The following MARCHF1 variants were observed in gnomAD, a reference collection of about 807,000 sequenced individuals.
MARCHF1 encodes membrane associated ring-CH-type finger 1.
A neutral mutation model predicts 54.2 loss-of-function variants in MARCHF1; 40 were observed. The ratio of observed to expected loss-of-function variants is 0.74; its 90% CI spans 0.57 to 0.96. MARCHF1 has a LOEUF of 0.96. Among genes scored for constraint, MARCHF1 ranks in the 40% least tolerant of loss-of-function variants. The pLI, the probability that MARCHF1 is intolerant of heterozygous loss-of-function variation, is 0.00. For missense variants in MARCHF1, 586 were observed against 656.5 expected (o/e 0.89, Z 1.17); for synonymous variants, 236 against 236.3 (o/e 1.00, Z 0.01).
At chr4:164,091,410 T>TTTA (rs145149996) in intron 2 of MARCHF1, among the ~76,000 whole-genome samples, 1 of 136,926 alleles carries the variant, frequency 7.3e-6, no homozygotes, top group African/African-American at 2.7e-5. Context: ...TCACCAAGTT[T>TTTA]TATATATATA....
chr4:164,201,526 G>T (rs1731454905), intron 1 of MARCHF1, among the ~76,000 whole-genome samples: 1 of 152,106 alleles, frequency 6.6e-6, no homozygotes, highest in African/African-American at 2.4e-5. Flanking sequence ...GGCCAAGACT[G>T]ATTTTTTACA....
intron 9 of MARCHF1, among the ~76,000 whole-genome samples, chr4:163,536,261 A>T (rs544223485): frequency 5.3e-5 from 8 of 152,282 alleles, no homozygotes; most frequent in African/African-American, 1.9e-4. Context: ...GGAAATTCTC[A>T]TGGACTACAT....
At chr4:164,031,199 A>G (rs1275450158) in intron 2 of MARCHF1, among the ~76,000 whole-genome samples, 1 of 152,016 alleles carries the variant, frequency 6.6e-6, no homozygotes, top group Non-Finnish European at 1.5e-5. Flanking sequence ...TTGATATTCA[A>G]CTTCTTCCTT....
chr4:164,196,975 T>C, intron 1 of MARCHF1: 2 of 1,602,662 alleles, frequency 1.2e-6, no homozygotes, highest in South Asian at 1.1e-5. Context: ...TTATTCTACT[T>C]AGTCATCATC....
intron 8 of MARCHF1, among the ~76,000 whole-genome samples, chr4:163,568,046 T>C (rs1035069513): frequency 1.3e-5 from 2 of 152,160 alleles, no homozygotes; most frequent in African/African-American, 4.8e-5. Flanking sequence ...TGACGGCTCA[T>C]TAATATTACA....
chr4:163,538,723 T>C (rs1469719731), intron 9 of MARCHF1, among the ~76,000 whole-genome samples: 2 of 152,186 alleles, frequency 1.3e-5, no homozygotes, highest in East Asian at 3.9e-4. Context: ...TTTACATCTT[T>C]ATCCACCTAA....
intron 9 of MARCHF1, among the ~76,000 whole-genome samples, chr4:163,531,379 T>C (rs1425116079): frequency 6.6e-6 from 1 of 151,772 alleles, no homozygotes; most frequent in Non-Finnish European, 1.5e-5. Context: ...TGTGAATATA[T>C]CAATAAGTGC....
intron 5 of MARCHF1, among the ~76,000 whole-genome samples, chr4:163,638,255 T>TAA (rs77300323): frequency 1.4e-5 from 2 of 139,596 alleles, no homozygotes; most frequent in African/African-American, 5.2e-5. Context: ...AAAAAAAAAT[T>TAA]AAAAAAAAAA....
chr4:163,726,319 A>C (rs189267331), intron 4 of MARCHF1, among the ~76,000 whole-genome samples: 17 of 152,276 alleles, frequency 1.1e-4, no homozygotes, highest in African/African-American at 2.9e-4. Context: ...CTTTTACTGT[A>C]TTCATAGTTT....
chr4:164,364,391 G>T (rs1730819727), intron 1 of MARCHF1, among the ~76,000 whole-genome samples: 1 of 151,992 alleles, frequency 6.6e-6, no homozygotes, highest in Non-Finnish European at 1.5e-5. Context: ...CATTCATTTT[G>T]TGAGTTGTAG....
intron 9 of MARCHF1, among the ~76,000 whole-genome samples, chr4:163,532,995 A>G (rs75893240): frequency 4.6e-5 from 7 of 151,986 alleles, no homozygotes; most frequent in African/African-American, 1.7e-4. Flanking sequence ...TTCAAATGAT[A>G]CAACATTATA....
chr4:164,228,901 A>C (rs112090912), intron 1 of MARCHF1, among the ~76,000 whole-genome samples: 3 of 152,326 alleles, frequency 2.0e-5, no homozygotes, highest in African/African-American at 7.2e-5. Flanking sequence ...TCCATAATGA[A>C]ATCAACAGAT....
At chr4:163,962,316 A>C (rs1257664687) in intron 3 of MARCHF1, among the ~76,000 whole-genome samples, 2 of 151,922 alleles carry the variant, frequency 1.3e-5, no homozygotes, top group African/African-American at 2.4e-5. Context: ...TCATTACCCT[A>C]GACCTTGTGC....
chr4:164,021,911 T>C (rs944236507), intron 2 of MARCHF1, among the ~76,000 whole-genome samples: 2 of 151,780 alleles, frequency 1.3e-5, no homozygotes, highest in Non-Finnish European at 2.9e-5. Context: ...GCTTTACATA[T>C]GGTGTGAAAT....
chr4:164,238,101 TATAGA>T (rs1431226101), intron 1 of MARCHF1, among the ~76,000 whole-genome samples: 1 of 152,060 alleles, frequency 6.6e-6, no homozygotes, highest in Non-Finnish European at 1.5e-5. Context: ...TAGAAATTCA[TATAGA>T]ATAGATTTAT....
At chr4:164,076,501 A>T (rs1398067319) in intron 2 of MARCHF1, among the ~76,000 whole-genome samples, 1 of 152,180 alleles carries the variant, frequency 6.6e-6, no homozygotes, top group Non-Finnish European at 1.5e-5. Context: ...GCCCTCTCTC[A>T]CCACTCCTAT....
chr4:163,716,936 C>A (rs1745277746), intron 4 of MARCHF1, among the ~76,000 whole-genome samples: 1 of 152,006 alleles, frequency 6.6e-6, no homozygotes, highest in African/African-American at 2.4e-5. Context: ...TATTATTTTA[C>A]TGTTTTATTA....
intron 4 of MARCHF1, among the ~76,000 whole-genome samples, chr4:163,722,249 C>T (rs2111294623): frequency 6.6e-6 from 1 of 152,110 alleles, no homozygotes; most frequent in Non-Finnish European, 1.5e-5. Flanking sequence ...TCATTGGTTT[C>T]AAAGAACATC....
intron 1 of MARCHF1, among the ~76,000 whole-genome samples, chr4:164,166,447 T>C (rs1039108224): frequency 6.6e-6 from 1 of 152,016 alleles, no homozygotes; most frequent in East Asian, 1.9e-4. Flanking sequence ...AAGTGCAGCA[T>C]CCTTTCTTGA....
Sources: gnomAD v4.1 joint callset for allele counts (sites outside exome capture counted in the v4.1 genomes callset) on GRCh38, gnomAD v4.1.1 for gene constraint, MANE v1.5 for transcripts, NCBI Gene and HGNC (gene_info 2026-07-23, HGNC 2026-07-21) for gene names.